The following GLYATL3 variants were observed in gnomAD, a reference collection of about 807,000 sequenced individuals.
GLYATL3 encodes glycine-N-acyltransferase like 3, also known as glycine N-acyltransferase-like protein 3.
A neutral mutation model predicts 28.5 loss-of-function variants in GLYATL3; 31 were observed. That is an observed-to-expected ratio of 1.09 (90% CI 0.82 to 1.47). The LOEUF is 1.47. Among genes scored for constraint, GLYATL3 ranks in the 40% most tolerant of loss-of-function variants. GLYATL3 has a pLI of 0.00. For missense variants in GLYATL3, 369 were observed against 351.5 expected, an observed-to-expected ratio of 1.05 and a Z score of -0.40; for synonymous variants, 141 against 140.2, an observed-to-expected ratio of 1.01 and a Z score of -0.04.
intron 4 of GLYATL3, among the ~76,000 whole-genome samples, chr6:49,520,929 T>A (rs575472470): frequency 2.0e-5 from 3 of 152,216 alleles, no homozygotes; most frequent in South Asian, 4.1e-4. Flanking sequence ...AAGAGGGGGA[T>A]CATTTGAGCC....
chr6:49,517,563 T>A lies in GLYATL3; in HGVS notation c.313+7T>A. On this transcript the variant is annotated splice_region_variant and intron_variant, in intron 4 of 5. Transcript: ENST00000371197. Reference sequence around the variant, plus strand: ...CAAGTTTTTCAAATACAAGGTGAGGTCAAGTGCAAGACTTATATTACACAG... The same window carrying A: ...CAAGTTTTTCAAATACAAGGTGAGGACAAGTGCAAGACTTATATTACACAG... 1 of 1,548,830 alleles carries A rather than the reference T, an allele frequency of 6.5e-7. No homozygotes were observed. Among genetic ancestry groups the A allele is most frequent in the Admixed American group, 2.0e-5 (1 of 50,726 alleles).
At chr6:49,507,525 A>G (rs1159759766) in intron 1 of GLYATL3, among the ~76,000 whole-genome samples, 1 of 152,236 alleles carries the variant, frequency 6.6e-6, no homozygotes, top group Non-Finnish European at 1.5e-5. Flanking sequence ...GTCGCATAAT[A>G]GCCCTGGAAT....
intron 5 of GLYATL3, among the ~76,000 whole-genome samples, chr6:49,522,221 C>T (rs1263415989): frequency 6.6e-6 from 1 of 152,122 alleles, no homozygotes; most frequent in Non-Finnish European, 1.5e-5. Flanking sequence ...CCCATTAGTT[C>T]TTTCCACAAC....
chr6:49,525,392 C>T (rs1051653167), intron 5 of GLYATL3, among the ~76,000 whole-genome samples: 6 of 151,478 alleles, frequency 4.0e-5, no homozygotes, highest in Non-Finnish European at 8.8e-5. Context: ...ATGGTGAAAC[C>T]TTGTCTCTAC....
rs956070676 is a variant in GLYATL3 at position 49,526,530 on chromosome 6, T to C, written c.483T>C (p.Asn161=). 1 of 1,551,628 alleles carries C rather than the reference T, an allele frequency of 6.4e-7. No homozygotes were observed. Among genetic ancestry groups the C allele is most frequent in the Non-Finnish European group, 8.7e-7 (1 of 1,147,006 alleles). The change falls in exon 6 of 6, where the codon AAT becomes AAC. Residue 161 remains asparagine (N), a synonymous_variant. Transcript: ENST00000371197. ...GACTAACCTACCTGAGTGTTGCCAA[T>C]GCGGATCTACTCAACCGGACTTGGT... ...SPRLTYLSVA[N]ADLLNRTWSR...
intron 1 of GLYATL3, among the ~76,000 whole-genome samples, chr6:49,510,835 C>T (rs1769108795): frequency 1.3e-5 from 2 of 152,224 alleles, no homozygotes; most frequent in South Asian, 4.1e-4. Context: ...AAGTGTACCA[C>T]TCAGTGAACT....
At chr6:49,517,292 T>C (rs1355643063) in intron 3 of GLYATL3, 138 bp from the exon 4 acceptor site, 24 of 533,570 alleles carry the variant, frequency 4.5e-5, no homozygotes, top group Non-Finnish European at 7.3e-5. Context: ...ATTTAGCCAT[T>C]GCTTTATAGG....
intron 5 of GLYATL3, among the ~76,000 whole-genome samples, chr6:49,522,668 C>A (rs1239049264): frequency 1.3e-5 from 2 of 152,136 alleles, no homozygotes; most frequent in African/African-American, 4.8e-5. Flanking sequence ...AAATCACCCA[C>A]CTCAACGAAT....
chr6:49,520,436 C>G (rs974847802), intron 4 of GLYATL3, among the ~76,000 whole-genome samples: 1 of 152,148 alleles, frequency 6.6e-6, no homozygotes, highest in African/African-American at 2.4e-5. Flanking sequence ...AACATTAACT[C>G]AAAAGCCTAC....
At chr6:49,512,194 C>G in intron 2 of GLYATL3, 126 bp downstream of exon 2, 1 of 456,704 alleles carries the variant, frequency 2.2e-6, no homozygotes, top group Non-Finnish European at 3.8e-6. Context: ...GTTAAACATA[C>G]AGCTTCCCAG....
rs143370582 is a variant in GLYATL3 at position 49,510,810 on chromosome 6, G to A, written c.-28-1153G>A. Among the ~76,000 whole-genome samples the A allele has an allele frequency of 4.1e-3, 622 of 152,298 alleles. 10 individuals carry two copies. The highest frequency in any genetic ancestry group is 0.014 in the African/African-American group (595 of 41,578). On this transcript the variant is annotated intron_variant, in intron 1 of 5. Coordinates refer to ENST00000371197, the MANE Select transcript of GLYATL3 (RefSeq NM_001010904.2). ...TGCAATCTCTTCTGACTCCTGCAGA[G>A]AGCACAGACACCTCAAGTGTACCAC...
At chr6:49,511,567 C>T (rs994413977) in intron 1 of GLYATL3, among the ~76,000 whole-genome samples, 1 of 152,170 alleles carries the variant, frequency 6.6e-6, no homozygotes, top group Non-Finnish European at 1.5e-5. Context: ...TTGGCAGGTG[C>T]TGTGGATACA....
rs68151540 is a variant in GLYATL3 at position 49,509,948 on chromosome 6, C to CTTCCTTTCTTTCTTTCTT, written c.-28-2014_-28-2013insTCCTTTCTTTCTTTCTTT. ...TTGATATATTTTACGTATTTTCTTT[C>CTTCCTTTCTTTCTTTCTT]TCTTTCTTTCTTTCTTTCTTTCTTT... On this transcript the variant is annotated intron_variant, in intron 1 of 5. Transcript: ENST00000371197. Among the ~76,000 whole-genome samples the CTTCCTTTCTTTCTTTCTT allele has an allele frequency of 1.9e-3, 188 of 100,260 alleles. 1 individual carries two copies. Among genetic ancestry groups the CTTCCTTTCTTTCTTTCTT allele is most frequent in the East Asian group, 0.013 (52 of 4,102 alleles). The allele number at this position is 100,260 out of a possible 152,430, so 65.8% of individuals were successfully genotyped here.
Position 49,526,666 on chromosome 6 carries a change from G to GACCA in GLYATL3, c.620_623dup (p.Phe209ProfsTer45), listed in dbSNP as rs1229810725. 6.4e-7 allele frequency: 1 copy of GACCA among 1,551,828 alleles called. No homozygotes were observed. Among genetic ancestry groups the GACCA allele is most frequent in the East Asian group, 2.4e-5 (1 of 40,898 alleles). ...AAACCCGGTCTCCTGGTCCATCACA[G>GACCA]ACCAGTTTGCCACCATGTGCCATGG... On this transcript the variant is annotated frameshift_variant, in exon 6 of 6. Transcript: ENST00000371197. LOFTEE classifies it high-confidence loss of function.
At chr6:49,501,115 G>A (rs1768904298) in intron 1 of GLYATL3, among the ~76,000 whole-genome samples, 2 of 152,216 alleles carry the variant, frequency 1.3e-5, no homozygotes, top group African/African-American at 4.8e-5. Context: ...TTAAGAAGCT[G>A]GAGGCCAGGC....
rs983929451 is a variant in GLYATL3, at chr6:49,517,579, T to C, written c.313+23T>C. The C allele has an allele frequency of 3.3e-6, 5 of 1,528,340 alleles. No homozygotes were observed. In the African/African-American group the frequency reaches 5.6e-5, roughly 17 times the overall value. The allele number at this position is 1,528,340 out of a possible 1,614,324, so 94.7% of individuals were successfully genotyped here. A position where few individuals can be genotyped will look rare whatever the true frequency, so the allele number is the denominator to read the frequency against. ...AAGGTGAGGTCAAGTGCAAGACTTA[T>C]ATTACACAGTCTTTTTTTTCCTCCT... is the stretch of plus-strand genomic sequence containing the variant. On this transcript the variant is annotated intron_variant, in intron 4 of 5. Transcript: ENST00000371197.
At chr6:49,506,646 C>G (rs1214673409) in intron 1 of GLYATL3, among the ~76,000 whole-genome samples, 4 of 152,062 alleles carry the variant, frequency 2.6e-5, no homozygotes, top group Non-Finnish European at 5.9e-5. Context: ...AATCTGTTAC[C>G]ATCCTCCATT....
chr6:49,500,531 C>T (rs1768894720), intron 1 of GLYATL3, among the ~76,000 whole-genome samples: 1 of 152,158 alleles, frequency 6.6e-6, no homozygotes, highest in Non-Finnish European at 1.5e-5. Context: ...GTCATGCTTT[C>T]ATTGTTATGA....
At position 49,527,309 on chromosome 6, in the gene GLYATL3, C is replaced by G. The variant is rs1480060526; in HGVS notation, c.*395C>G. ...CTGCTCTGTATTCTTAAAGCCACAC[C>G]GCTTCCCTACTGCCATCATATTCCC... is the stretch of plus-strand genomic sequence containing the variant. On this transcript the variant is annotated 3_prime_UTR_variant, in exon 6 of 6. Transcript: ENST00000371197. Among the ~76,000 whole-genome samples the G allele has an allele frequency of 6.6e-6, 1 of 152,138 alleles. No individual in the cohort carries two copies. Among genetic ancestry groups the G allele is most frequent in the Non-Finnish European group, 1.5e-5 (1 of 68,036 alleles).
Sources: gnomAD v4.1 joint callset for allele counts (sites outside exome capture counted in the v4.1 genomes callset) on GRCh38, gnomAD v4.1.1 for gene constraint, MANE v1.5 for transcripts, NCBI Gene and HGNC (gene_info 2026-07-23, HGNC 2026-07-21) for gene names.